The following DNAH12 variants were observed in gnomAD, a reference collection of about 807,000 sequenced individuals.
DNAH12 encodes dynein axonemal heavy chain 12.
In DNAH12, 285 loss-of-function variants were observed where a neutral mutation model predicts 371.5. That is an observed-to-expected ratio of 0.77 (90% CI 0.70 to 0.85). DNAH12 has a LOEUF of 0.85. Ranked by LOEUF, DNAH12 falls within the 40% of genes least tolerant of loss-of-function variation. The pLI, the probability that DNAH12 is intolerant of heterozygous loss-of-function variation, is 0.00. For missense variants in DNAH12, 3,611 were observed against 3,689.4 expected, an observed-to-expected ratio of 0.98 and a Z score of 0.55; for synonymous variants, 1,200 against 1,213.0, an observed-to-expected ratio of 0.99 and a Z score of 0.22.
At chr3:57,338,547 G>A (rs1280291728) in intron 60 of DNAH12, among the ~76,000 whole-genome samples, 1 of 147,892 alleles carries the variant, frequency 6.8e-6, no homozygotes, top group African/African-American at 2.5e-5. Flanking sequence ...TCTCTGCCCG[G>A]CCGCCACCTC....
In DNAH12 at chr3:57,413,929, GAA is replaced by G; in HGVS notation, c.5854-19_5854-18del. 1 of 1,545,372 alleles carries G rather than the reference GAA, an allele frequency of 6.5e-7. No individual in the cohort carries two copies. Among genetic ancestry groups the G allele is most frequent in the Non-Finnish European group, 8.7e-7 (1 of 1,144,332 alleles). On this transcript the variant is annotated intron_variant, in intron 38 of 73. Coordinates refer to ENST00000495027, the MANE Select transcript of DNAH12 (RefSeq NM_001366028.2). Reference sequence around the variant, plus strand: ...GATAATGTTCTAAAATATGAAGGAAGAATGGTATATTTACCTATAATTGAATT... The same window carrying G: ...GATAATGTTCTAAAATATGAAGGAAGTGGTATATTTACCTATAATTGAATT...
intron 65 of DNAH12, among the ~76,000 whole-genome samples, chr3:57,317,381 T>A (rs1314598241): frequency 6.6e-6 from 1 of 152,126 alleles, no homozygotes; most frequent in Non-Finnish European, 1.5e-5. Context: ...CAACTCCCTA[T>A]TTCCCCCTCC....
intron 2 of DNAH12, among the ~76,000 whole-genome samples, chr3:57,539,790 T>A (rs2069195803): frequency 6.6e-6 from 1 of 151,028 alleles, no homozygotes; most frequent in Non-Finnish European, 1.5e-5. Context: ...ATTTTTTGTA[T>A]TTTTTTTAGT....
intron 62 of DNAH12, among the ~76,000 whole-genome samples, chr3:57,326,247 C>A (rs1219047554): frequency 6.6e-6 from 1 of 151,624 alleles, no homozygotes; most frequent in African/African-American, 2.4e-5. Flanking sequence ...AACTCCAAGA[C>A]ACATAATTGT....
intron 13 of DNAH12, among the ~76,000 whole-genome samples, chr3:57,477,782 G>A (rs1374708407): frequency 6.6e-6 from 1 of 152,184 alleles, no homozygotes; most frequent in Non-Finnish European, 1.5e-5. Context: ...CCGCTGTTCT[G>A]CAGCAACCGC....
chr3:57,521,600 G>A (rs1484960290), intron 4 of DNAH12, among the ~76,000 whole-genome samples: 3 of 152,212 alleles, frequency 2.0e-5, no homozygotes, highest in African/African-American at 7.2e-5. Context: ...AAAAAAGACA[G>A]GTAGAGGCTG....
At chr3:57,452,790 C>A in intron 25 of DNAH12, 53 bp downstream of exon 25, 2 of 1,476,386 alleles carry the variant, frequency 1.4e-6, no homozygotes, top group Non-Finnish European at 1.8e-6. Context: ...AAAGATGACG[C>A]TACAGCAAAA....
chr3:57,407,189 G>C lies in DNAH12; in HGVS notation c.6276+1091C>G, dbSNP rs140569824. On this transcript the variant is annotated intron_variant, in intron 40 of 73. Transcript: ENST00000495027. ...TAGGATTACAGGTGTGAGTCACTGC[G>C]CCCAGCCAACGTTTTTTATTTGTAT... 4.3e-3 allele frequency among the ~76,000 whole-genome samples: 645 copies of C among 149,250 alleles called. 7 individuals carry two copies. Among genetic ancestry groups the C allele is most frequent in the African/African-American group, 0.015 (626 of 40,590 alleles).
At position 57,468,785 on chromosome 3, in the gene DNAH12, G is replaced by C; in HGVS notation, c.2300C>G (p.Ala767Gly). ...EKIEEEPKDN[A>G]TITMCSTVME... The stretch of plus-strand genomic sequence containing the variant: ...GACTGTACTGCACATAGTAATAGTA[G>C]CATTGTCTTTTGGTTCTTCTTCAAT... Residue 767 changes from alanine (A) to glycine (G), a missense_variant, in exon 17 of 74, where the codon GCT becomes GGT. Coordinates refer to ENST00000495027, the MANE Select transcript of DNAH12 (RefSeq NM_001366028.2). 1 of 1,530,650 alleles carries C rather than the reference G, an allele frequency of 6.5e-7. No homozygotes were observed. The allele number at this position is 1,530,650 out of a possible 1,614,324, so 94.8% of individuals were successfully genotyped here.
At chr3:57,428,100 TA>T (rs1244428041) in intron 34 of DNAH12, among the ~76,000 whole-genome samples, 1 of 152,030 alleles carries the variant, frequency 6.6e-6, no homozygotes, top group East Asian at 1.9e-4. Flanking sequence ...GGCTAATTTT[TA>T]TATCTTTAGT....
intron 45 of DNAH12, among the ~76,000 whole-genome samples, chr3:57,388,706 A>G (rs1241159008): frequency 6.6e-6 from 1 of 152,184 alleles, no homozygotes; most frequent in African/African-American, 2.4e-5. Flanking sequence ...TATATACACC[A>G]TGGAATACTA....
chr3:57,311,023 T>C, intron 66 of DNAH12, 73 bp from the exon 67 acceptor site: 1 of 1,055,974 alleles, frequency 9.5e-7, no homozygotes, highest in Non-Finnish European at 1.4e-6. Context: ...AGTATGTATC[T>C]ATCTATCTAG....
chr3:57,453,209 A>G, intron 24 of DNAH12, 38 bp downstream of exon 24: 1 of 1,507,612 alleles, frequency 6.6e-7, no homozygotes. Context: ...GATGCTATCA[A>G]CATTTTATCT....
chr3:57,299,441 ATAGT>A (rs1215695927), intron 70 of DNAH12, among the ~76,000 whole-genome samples: 1 of 152,140 alleles, frequency 6.6e-6, no homozygotes, highest in Non-Finnish European at 1.5e-5. Flanking sequence ...AGTCACAAAG[ATAGT>A]TAAGTGTTAG....
intron 2 of DNAH12, among the ~76,000 whole-genome samples, chr3:57,537,677 G>A (rs1010625424): frequency 6.7e-6 from 1 of 149,536 alleles, no homozygotes; most frequent in Non-Finnish European, 1.5e-5. Flanking sequence ...TTTAAAAAAT[G>A]GTTTCTAAAA....
chr3:57,552,848 C>A, the DNAH12 span, among the ~76,000 whole-genome samples: 1 of 152,124 alleles, frequency 6.6e-6, no homozygotes, highest in Non-Finnish European at 1.5e-5. Context: ...CCACTGCACT[C>A]CAGCCTGGGT....
intron 66 of DNAH12, 135 bp from the exon 67 acceptor site, chr3:57,311,085 T>TA (rs1011010231): frequency 4.8e-5 from 34 of 710,886 alleles, no homozygotes; most frequent in Admixed American, 2.7e-5. Flanking sequence ...CTGAGATTGT[T>TA]AGTTTTTTTT....
At chr3:57,382,646 C>T (rs1575526601) in intron 49 of DNAH12, among the ~76,000 whole-genome samples, 2 of 151,828 alleles carry the variant, frequency 1.3e-5, no homozygotes, top group South Asian at 4.1e-4. Context: ...ATAATGGCAG[C>T]TATAAATCCA....
chr3:57,539,038 C>T (rs1243787358), intron 2 of DNAH12, among the ~76,000 whole-genome samples: 2 of 152,194 alleles, frequency 1.3e-5, no homozygotes, highest in African/African-American at 2.4e-5. Context: ...GCCTCTGACA[C>T]ACATCTCTTG....
Sources: gnomAD v4.1 joint callset for allele counts (sites outside exome capture counted in the v4.1 genomes callset) on GRCh38, gnomAD v4.1.1 for gene constraint, MANE v1.5 for transcripts, NCBI Gene and HGNC (gene_info 2026-07-23, HGNC 2026-07-21) for gene names.